Variants in MYLK observed in about 807,000 individuals in gnomAD.
MYLK encodes myosin light chain kinase, smooth muscle.
Under a neutral mutation model 203.4 loss-of-function variants are expected in MYLK, and 106 were observed. The observed-to-expected ratio is 0.52, with a 90% confidence interval of 0.45 to 0.61. The LOEUF is 0.61. MYLK is among the 20% of genes least tolerant of loss of function. The pLI is 0.00. For synonymous variants in MYLK, 867 were observed against 959.5 expected (o/e 0.90, Z 1.78); for missense variants, 2,072 against 2,442.3 (o/e 0.85, Z 3.20).
rs1576803931 is a variant in MYLK, at chr3:123,739,875, T to TA, written c.422+77dup. 9 of 1,494,476 alleles carry TA rather than the reference T, an allele frequency of 6.0e-6. No homozygotes were observed. The Admixed American group carries it at 1.0e-4, about 17-fold the overall frequency. The allele number at this position is 1,494,476 out of a possible 1,614,324, so 92.6% of individuals were successfully genotyped here. ...ATTATAACCTAGGAGAGCCAAGACTTACTCCCCAGACCTATCCTGCTCAAG... is the reference window on the plus strand; with the variant it reads ...ATTATAACCTAGGAGAGCCAAGACTTAACTCCCCAGACCTATCCTGCTCAAG... On this transcript the variant is annotated intron_variant, in intron 6 of 33. Coordinates refer to ENST00000360304, the MANE Select transcript of MYLK (RefSeq NM_053025.4).
intron 13 of MYLK, among the ~76,000 whole-genome samples, chr3:123,713,480 C>T (rs1030739876): frequency 1.3e-4 from 19 of 151,982 alleles, no homozygotes; most frequent in Non-Finnish European, 2.8e-4. Flanking sequence ...GTGACCGCTC[C>T]AGGACAAACA....
At position 123,650,141 on chromosome 3, in the gene MYLK, A is replaced by G. The variant is rs192828766; in HGVS notation, c.4289-947T>C. The stretch of plus-strand genomic sequence containing the variant: ...CTCGATACAGGTTTGTTTGTTGACA[A>G]TCGAGCCACTCTGGCTTCCTGACCT... On this transcript the variant is annotated intron_variant, in intron 24 of 33. Transcript: ENST00000360304. Among the ~76,000 whole-genome samples the G allele has an allele frequency of 5.0e-3, 760 of 152,268 alleles. 3 individuals are homozygous for G. Among genetic ancestry groups the G allele is most frequent in the African/African-American group, 0.018 (743 of 41,542 alleles).
At chr3:123,872,865 C>T (rs2032895205) in intron 2 of MYLK, among the ~76,000 whole-genome samples, 1 of 152,104 alleles carries the variant, frequency 6.6e-6, no homozygotes, top group Non-Finnish European at 1.5e-5. Context: ...CAGTTTTCAG[C>T]CCTTCTCCCC....
chr3:123,653,470 G>A (rs558278345), intron 24 of MYLK, among the ~76,000 whole-genome samples: 1 of 152,274 alleles, frequency 6.6e-6, no homozygotes, highest in East Asian at 1.9e-4. Context: ...GCCTCAGCTG[G>A]GGAGTAGCTT....
chr3:123,679,327 A>C (rs1009502838), intron 20 of MYLK, among the ~76,000 whole-genome samples: 1 of 151,652 alleles, frequency 6.6e-6, no homozygotes, highest in African/African-American at 2.4e-5. Context: ...AAAAAACAAA[A>C]CAAGACATCT....
rs991995855 is a variant in MYLK at position 123,648,652 on chromosome 3, G to A, written c.4415+319C>T. ...CTCCCCGCACCCCCTGCTCTCCCCT[G>A]ACAGGCCCCAGTGAGTGTTATTCCC... On this transcript the variant is annotated intron_variant, in intron 26 of 33. Coordinates refer to ENST00000360304, the MANE Select transcript of MYLK (RefSeq NM_053025.4). The surrounding 1 kb of genome is among the most constrained non-coding windows in gnomAD (Gnocchi z 4.5). Among the ~76,000 whole-genome samples, 4 of 151,942 alleles carry A rather than the reference G, an allele frequency of 2.6e-5. No individual in the cohort carries two copies. Among genetic ancestry groups the A allele is most frequent in the Non-Finnish European group, 5.9e-5 (4 of 67,990 alleles).
intron 26 of MYLK, 81 bp from the exon 27 acceptor site, chr3:123,647,508 T>C: frequency 1.6e-6 from 2 of 1,245,576 alleles, no homozygotes; most frequent in East Asian, 2.4e-5. Context: ...TTATGGCCCA[T>C]GGGACAGATC....
rs576849217 is a variant in MYLK, at chr3:123,784,376, CTTTTTTT to C, written c.165+9294_165+9300del. Among the ~76,000 whole-genome samples the C allele has an allele frequency of 2.0e-3, 159 of 78,696 alleles. 1 individual carries two copies. Among genetic ancestry groups the C allele is most frequent in the Non-Finnish European group, 3.0e-3 (118 of 39,040 alleles). 51.6% of individuals were successfully genotyped at this position (78,696 alleles called of 152,430 possible). A position where few individuals can be genotyped will look rare whatever the true frequency, so the allele number is the denominator to read the frequency against. On this transcript the variant is annotated intron_variant, in intron 4 of 33. Coordinates refer to ENST00000360304, the MANE Select transcript of MYLK (RefSeq NM_053025.4). The stretch of plus-strand genomic sequence containing the variant: ...CAAATACGGCTCATGGGTTGACTTT[CTTTTTTT>C]TTTTTTTTTTTTTTTTTTTTACCTC...
In MYLK at chr3:123,657,286, C is replaced by T; in HGVS notation, c.4128G>A (p.Lys1376=). 2 of 1,614,128 alleles carry T rather than the reference C, an allele frequency of 1.2e-6. No individual in the cohort carries two copies. The highest frequency in any genetic ancestry group is 1.7e-6 in the Non-Finnish European group (2 of 1,180,038). ...YSIEIWDSAN[K]TWKELATCRS... ...GGCATGTGGCTAGTTCCTTCCACGT[C>T]TTGTTGGCTGAGTCCCAGATCTCGA... is the stretch of plus-strand genomic sequence containing the variant. Residue 1376 remains lysine, a synonymous_variant, in exon 24 of 34, where the codon AAG becomes AAA. Transcript: ENST00000360304.
At chr3:123,701,753 C>T (rs998612578) in intron 16 of MYLK, among the ~76,000 whole-genome samples, 9 of 152,338 alleles carry the variant, frequency 5.9e-5, no homozygotes, top group African/African-American at 1.9e-4. Flanking sequence ...CTAAGGCAGG[C>T]ATCCAGAAAT....
intron 11 of MYLK, among the ~76,000 whole-genome samples, chr3:123,729,812 G>A (rs1359414460): frequency 6.6e-6 from 1 of 151,586 alleles, no homozygotes; most frequent in Admixed American, 6.6e-5. Flanking sequence ...AGGCTGGGAT[G>A]TTGAGGCAGC....
chr3:123,847,568 A>C (rs999944147), intron 2 of MYLK, among the ~76,000 whole-genome samples: 2 of 152,086 alleles, frequency 1.3e-5, no homozygotes, highest in African/African-American at 4.8e-5. Flanking sequence ...TTCTTTACCA[A>C]GTTAAGGAAG....
rs1413095551 is a variant in MYLK, at chr3:123,715,025, G to GAA, written c.1805-5133_1805-5132insTT. On this transcript the variant is annotated intron_variant, in intron 13 of 33. Transcript: ENST00000360304. ...AGAAAAAGAGGCAATGTGAGGAAGA[G>GAA]AGAGGGGGAAAAGGGAAGCAAAGGA... Among the ~76,000 whole-genome samples the GAA allele has an allele frequency of 5.3e-5, 8 of 152,300 alleles. No individual in the cohort carries two copies. In the East Asian group the frequency reaches 1.4e-3, roughly 26 times the overall value.
intron 4 of MYLK, among the ~76,000 whole-genome samples, chr3:123,775,578 G>A (rs2064041861): frequency 6.6e-6 from 1 of 152,040 alleles, no homozygotes; most frequent in South Asian, 2.1e-4. Context: ...CAACCCAAAG[G>A]CTCCTAGTCT....
chr3:123,624,886 C>T (rs2058060759), intron 31 of MYLK: 1 of 152,194 alleles, frequency 6.6e-6, no homozygotes. Flanking sequence ...CGCCTTTGCT[C>T]CCTCTTTCAA....
chr3:123,650,144 G>A (rs1017603869), intron 24 of MYLK, among the ~76,000 whole-genome samples: 9 of 152,298 alleles, frequency 5.9e-5, no homozygotes, highest in Middle Eastern at 3.4e-3. Context: ...GTTGACAATC[G>A]AGCCACTCTG....
At chr3:123,746,567 A>G (rs568510528) in intron 5 of MYLK, among the ~76,000 whole-genome samples, 2 of 152,328 alleles carry the variant, frequency 1.3e-5, no homozygotes, top group South Asian at 4.1e-4. Flanking sequence ...CAGCTAAAGG[A>G]AATTTGGAAG....
chr3:123,727,945 G>A (rs187101149), intron 11 of MYLK, among the ~76,000 whole-genome samples: 3 of 152,238 alleles, frequency 2.0e-5, no homozygotes, highest in Admixed American at 2.0e-4. Flanking sequence ...TGTAGGAGGA[G>A]CTAAAAGAAC....
chr3:123,729,712 A>G (rs2108772770), intron 11 of MYLK, among the ~76,000 whole-genome samples: 1 of 150,040 alleles, frequency 6.7e-6, no homozygotes, highest in Middle Eastern at 3.7e-3. Flanking sequence ...AAGACCTTTT[A>G]TCTACAAAAA....
Sources: allele counts gnomAD v4.1 joint callset (sites outside exome capture counted in the v4.1 genomes callset), GRCh38; gene constraint gnomAD v4.1.1; non-coding constraint Gnocchi (gnomAD v3.1); transcripts MANE v1.5; gene names NCBI Gene and HGNC (gene_info 2026-07-23, HGNC 2026-07-21).